The following ZNF75A variants were observed in gnomAD, a reference collection of about 807,000 sequenced individuals.
ZNF75A encodes zinc finger protein 75A.
ZNF75A carries 36 observed loss-of-function variants against 46.3 expected under a neutral mutation model. That is an observed-to-expected ratio of 0.78 (90% CI 0.60 to 1.03). The LOEUF is 1.03. Among genes scored for constraint, ZNF75A ranks in the 50% least tolerant of loss-of-function variants. ZNF75A has a pLI of 0.00. For synonymous variants in ZNF75A, 234 were observed against 189.9 expected (o/e 1.23, Z -1.91); for missense variants, 595 against 551.3 (o/e 1.08, Z -0.79).
At chr16:3,311,698 AC>A (rs1960813181) in intron 2 of ZNF75A, 54 bp from the exon 3 acceptor site, 1 of 974,326 alleles carries the variant, frequency 1.0e-6, no homozygotes, top group Non-Finnish European at 1.2e-6. Context: ...CTCTGCCTCC[AC>A]CCCCACAAAC....
At chr16:3,322,209 C>T (rs1167868011), downstream of ZNF75A, among the ~76,000 whole-genome samples, 1 of 152,174 alleles carries the variant, frequency 6.6e-6, no homozygotes, top group Non-Finnish European at 1.5e-5. Flanking sequence ...CTTCACGTTT[C>T]TACTGTTTGT....
intron 1 of ZNF75A, chr16:3,306,825 CT>C (rs1252844493): frequency 1.3e-5 from 2 of 152,208 alleles, no homozygotes; most frequent in African/African-American, 4.8e-5. Flanking sequence ...AAATAGGCTA[CT>C]TTTTTACTTT....
At chr16:3,310,644 C>CAA (rs964169338) in intron 2 of ZNF75A, 3 of 957,210 alleles carry the variant, frequency 3.1e-6, no homozygotes, top group Non-Finnish European at 2.4e-6. Flanking sequence ...AACAAACAAA[C>CAA]AAAAAAAACA....
chr16:3,308,883 G>A (rs977225462), intron 2 of ZNF75A, 47 bp downstream of exon 2: 23 of 974,774 alleles, frequency 2.4e-5, no homozygotes, highest in Non-Finnish European at 2.7e-5. Context: ...GGATGCAGGT[G>A]GATATAGTAG....
At position 3,318,744 on chromosome 16, in the gene ZNF75A, G is replaced by A. The variant is rs945420700; in HGVS notation, c.*875G>A. The stretch of plus-strand genomic sequence containing the variant: ...AATGAGAGACTTAATTTCCATGGGA[G>A]TTGGAGTGTGTGTGCTGCAGGCAGG... On this transcript the variant is annotated 3_prime_UTR_variant, in exon 7 of 7. Coordinates refer to ENST00000669516, the MANE Select transcript of ZNF75A (RefSeq NM_001302109.2). The A allele has an allele frequency of 4.1e-6, 4 of 985,466 alleles. No individual in the cohort carries two copies. The highest frequency in any genetic ancestry group is 4.8e-6 in the Non-Finnish European group (4 of 829,944). 61.0% of individuals were successfully genotyped at this position (985,466 alleles called of 1,614,324 possible).
At chr16:3,314,551 C>T in intron 5 of ZNF75A, among the ~76,000 whole-genome samples, 1 of 152,336 alleles carries the variant, frequency 6.6e-6, no homozygotes, top group East Asian at 1.9e-4. Context: ...CCAGAGGGAA[C>T]TGGGTACCTC....
intron 2 of ZNF75A, among the ~76,000 whole-genome samples, chr16:3,310,050 C>T (rs1960626507): frequency 6.6e-6 from 1 of 151,736 alleles, no homozygotes; most frequent in Non-Finnish European, 1.5e-5. Context: ...GTTATTATTG[C>T]AGCATTGTAC....
downstream of ZNF75A, among the ~76,000 whole-genome samples, chr16:3,319,260 C>T (rs1596404234): frequency 6.6e-6 from 1 of 152,046 alleles, no homozygotes; most frequent in African/African-American, 2.4e-5. Flanking sequence ...ATTACAGGCA[C>T]CCACCACCAC....
intron 5 of ZNF75A, among the ~76,000 whole-genome samples, chr16:3,314,240 T>C (rs918582030): frequency 7.2e-5 from 11 of 152,148 alleles, no homozygotes; most frequent in African/African-American, 2.7e-4. Context: ...TTTTCTGTAT[T>C]TTAGAAATGA....
At chr16:3,316,739 A>G (rs1961234637) in intron 5 of ZNF75A, 173 bp from the exon 6 acceptor site, 3 of 489,992 alleles carry the variant, frequency 6.1e-6, no homozygotes, top group South Asian at 3.4e-5. Context: ...TTGCATAGCT[A>G]CCTATAAGTA....
intron 1 of ZNF75A, chr16:3,306,480 A>C (rs1029246002): frequency 6.6e-6 from 1 of 152,114 alleles, no homozygotes; most frequent in Non-Finnish European, 1.5e-5. Flanking sequence ...TTGGGAGGCC[A>C]AGATGGGTGG....
In ZNF75A at chr16:3,311,943, A is replaced by G; in HGVS notation, c.599A>G (p.Glu200Gly). Residue 200 changes from glutamate to glycine, a missense_variant, in exon 3 of 7, where the codon GAG (glutamate) becomes GGG (glycine). Physicochemically the swap from Glu to Gly is moderately conservative, Grantham distance 98. Transcript: ENST00000669516. ...NTHKETEPVY[E>G]RAVPTQQILA... is the part of the protein sequence containing the mutation. ...CATAAAGAGACTGAGCCTGTGTATG[A>G]GAGGGGTAAGGAGCTTCATGATAAT... is the stretch of plus-strand genomic sequence containing the variant. 1.0e-6 allele frequency: 1 copy of G among 986,166 alleles called. No individual in the cohort carries two copies. The highest frequency in any genetic ancestry group is 1.2e-6 in the Non-Finnish European group (1 of 829,918). The allele number at this position is 986,166 out of a possible 1,614,324, so 61.1% of individuals were successfully genotyped here. A position where few individuals can be genotyped will look rare whatever the true frequency, so the allele number is the denominator to read the frequency against.
At chr16:3,320,875 T>C (rs2029914210), downstream of ZNF75A, among the ~76,000 whole-genome samples, 2 of 152,264 alleles carry the variant, frequency 1.3e-5, no homozygotes, top group South Asian at 4.2e-4. Context: ...GGTGGCTATC[T>C]TCCTGGACTA....
rs903360823 is a variant in ZNF75A, at chr16:3,310,802, C to G, written c.409-951C>G. The stretch of plus-strand genomic sequence containing the variant: ...TATAGTAGATGAAAGTCTCTACTGC[C>G]TTCCCTTAATGCTTGTTCCTTGGCT... On this transcript the variant is annotated intron_variant, in intron 2 of 6. Transcript: ENST00000669516. 1.1e-5 allele frequency: 11 copies of G among 985,344 alleles called. No individual in the cohort carries two copies. In the African/African-American group the frequency reaches 1.7e-4, roughly 16 times the overall value. 61.0% of individuals were successfully genotyped at this position (985,344 alleles called of 1,614,324 possible).
At chr16:3,319,705 C>T (rs539108991), downstream of ZNF75A, among the ~76,000 whole-genome samples, 28 of 152,134 alleles carry the variant, frequency 1.8e-4, no homozygotes, top group African/African-American at 6.3e-4. Flanking sequence ...TGCTTTCCTG[C>T]TCCTTGCTCT....
chr16:3,317,929 A>C lies in ZNF75A; in HGVS notation c.*60A>C. The C allele has an allele frequency of 6.7e-7, 1 of 1,502,334 alleles. No homozygotes were observed. The highest frequency in any genetic ancestry group is 8.9e-7 in the Non-Finnish European group (1 of 1,128,498). The allele number at this position is 1,502,334 out of a possible 1,614,324, so 93.1% of individuals were successfully genotyped here. On this transcript the variant is annotated 3_prime_UTR_variant, in exon 7 of 7. Transcript: ENST00000669516. Reference sequence around the variant, plus strand: ...ATTCACCAAATGGAGCTTGGCACTAAAATTTATGTAAAAGAAAAATCACAA... The same window carrying C: ...ATTCACCAAATGGAGCTTGGCACTACAATTTATGTAAAAGAAAAATCACAA...
In ZNF75A at chr16:3,318,474, C is replaced by T; in HGVS notation, c.*605C>T. On this transcript the variant is annotated 3_prime_UTR_variant, in exon 7 of 7. Coordinates refer to ENST00000669516, the MANE Select transcript of ZNF75A (RefSeq NM_001302109.2). Reference sequence around the variant, plus strand: ...TTGGTGATGTTTGGAAAATAGAAGACATCTCTAATGGAATCATGGGGGAAA... The same window carrying T: ...TTGGTGATGTTTGGAAAATAGAAGATATCTCTAATGGAATCATGGGGGAAA... 2 of 985,352 alleles carry T rather than the reference C, an allele frequency of 2.0e-6. No homozygotes were observed. Among genetic ancestry groups the T allele is most frequent in the Non-Finnish European group, 2.4e-6 (2 of 829,930 alleles). The allele number at this position is 985,352 out of a possible 1,614,324, so 61.0% of individuals were successfully genotyped here.
At chr16:3,306,624 A>C (rs2150789454) in intron 1 of ZNF75A, 1 of 152,188 alleles carries the variant, frequency 6.6e-6, no homozygotes, top group East Asian at 1.9e-4. Context: ...AGGCAGGAGA[A>C]TGGCTTCAAC....
chr16:3,313,265 A>C (rs1385060160), intron 5 of ZNF75A, 90 bp downstream of exon 5: 7 of 1,373,250 alleles, frequency 5.1e-6, no homozygotes, highest in Non-Finnish European at 7.1e-6. Flanking sequence ...TTACTGTTCC[A>C]GGAGCTGGTT....
Sources: allele counts gnomAD v4.1 joint callset (sites outside exome capture counted in the v4.1 genomes callset), GRCh38; gene constraint gnomAD v4.1.1; transcripts MANE v1.5; gene names NCBI Gene and HGNC (gene_info 2026-07-23, HGNC 2026-07-21).